The following DNAH5 variants were observed in gnomAD, a reference collection of about 807,000 sequenced individuals.
The protein encoded by DNAH5 is dynein axonemal heavy chain 5, also known as axonemal beta dynein heavy chain 5.
Under a neutral mutation model 518.2 loss-of-function variants are expected in DNAH5, and 372 were observed. The ratio of observed to expected loss-of-function variants is 0.72; its 90% confidence interval spans 0.66 to 0.78. The LOEUF is 0.78. Ranked by LOEUF, DNAH5 falls within the 30% of genes least tolerant of loss-of-function variation. The pLI is 0.00. For synonymous variants in DNAH5, 2,039 were observed against 2,025.9 expected, an observed-to-expected ratio of 1.01 and a Z score of -0.17; for missense variants, 5,523 against 5,687.0, an observed-to-expected ratio of 0.97 and a Z score of 0.93.
At chr5:13,804,817 T>C (rs1759322465) in intron 47 of DNAH5, among the ~76,000 whole-genome samples, 1 of 152,250 alleles carries the variant, frequency 6.6e-6, no homozygotes, top group Non-Finnish European at 1.5e-5. Context: ...AGAAATTTAT[T>C]ATATGGTTTA....
chr5:13,900,557 C>G (rs1389916004), intron 14 of DNAH5, 145 bp from the exon 15 acceptor site: 5 of 716,414 alleles, frequency 7.0e-6, no homozygotes, highest in Non-Finnish European at 1.2e-5. Context: ...ATCACTCACT[C>G]TTCTCCTAAA....
chr5:13,973,471 T>C (rs763698943), intron 1 of DNAH5, among the ~76,000 whole-genome samples: 15 of 152,138 alleles, frequency 9.9e-5, no homozygotes, highest in Non-Finnish European at 1.8e-4. Flanking sequence ...ACCCATGAGA[T>C]GGGTGTGTTC....
intron 1 of DNAH5, among the ~76,000 whole-genome samples, chr5:13,960,285 G>A (rs770740844): frequency 2.6e-5 from 4 of 152,176 alleles, no homozygotes; most frequent in Non-Finnish European, 4.4e-5. Context: ...TGAATGTGAG[G>A]AGGTGCACAG....
rs148012924 is a variant in DNAH5 at position 13,846,116 on chromosome 5, G to T, written c.5115-1123C>A. Among the ~76,000 whole-genome samples, 808 of 151,866 alleles carry T rather than the reference G, an allele frequency of 5.3e-3. 15 individuals carry two copies. The highest frequency in any genetic ancestry group is 0.034 in the South Asian group (165 of 4,788). ...AACCTCCCAAAGTGCTGAGATTACA[G>T]GCATGAGCCACCACACCTGGCCCCA... is the stretch of plus-strand genomic sequence containing the variant. On this transcript the variant is annotated intron_variant, in intron 31 of 78. Coordinates refer to ENST00000265104, the MANE Select transcript of DNAH5 (RefSeq NM_001369.3).
At chr5:13,783,494 G>C (rs143723116) in intron 52 of DNAH5, among the ~76,000 whole-genome samples, 294 of 152,244 alleles carry the variant, frequency 1.9e-3, no homozygotes, top group African/African-American at 6.8e-3. Context: ...GAATACACAT[G>C]GGGGAGGCGC....
Position 13,700,731 on chromosome 5 carries a change from G to A in DNAH5, c.13632C>T (p.Gly4544=), listed in dbSNP as rs780159177. ...TGAGTTTCATGTTCCTCTTGTCCCA[G>A]CCAGCACCTTCAAGATATAAGCCAT... ...YVYGLYLEGA[G]WDKRNMKLIE... The change falls in exon 78 of 79, where the codon GGC becomes GGT. Residue 4544 remains glycine, a synonymous_variant. Coordinates refer to ENST00000265104, the MANE Select transcript of DNAH5 (RefSeq NM_001369.3). 4 of 1,614,118 alleles carry A rather than the reference G, an allele frequency of 2.5e-6. No homozygotes were observed. Among genetic ancestry groups the A allele is most frequent in the Admixed American group, 1.7e-5 (1 of 60,016 alleles).
At chr5:13,951,202 T>G (rs1780371278) in intron 1 of DNAH5, among the ~76,000 whole-genome samples, 2 of 138,004 alleles carry the variant, frequency 1.4e-5, no homozygotes, top group South Asian at 2.3e-4. Flanking sequence ...TTTTTTTGTT[T>G]TTTTCGTTTT....
At chr5:13,981,563 G>T (rs1260415971) in intron 1 of DNAH5, among the ~76,000 whole-genome samples, 1 of 152,156 alleles carries the variant, frequency 6.6e-6, no homozygotes, top group Non-Finnish European at 1.5e-5. Flanking sequence ...GAAAGAAGTG[G>T]AATGTGCTGG....
chr5:13,835,288 A>AAAAG (rs1387965434), intron 35 of DNAH5, among the ~76,000 whole-genome samples: 1 of 151,900 alleles, frequency 6.6e-6, no homozygotes, highest in East Asian at 1.9e-4. Context: ...CAAAAAAAAA[A>AAAAG]AATAGTAGTA....
intron 47 of DNAH5, among the ~76,000 whole-genome samples, chr5:13,800,767 C>T (rs571459289): frequency 6.6e-6 from 1 of 152,312 alleles, no homozygotes; most frequent in Admixed American, 6.5e-5. Context: ...TAGTATTCTG[C>T]CACCCACATT....
At position 13,718,977 on chromosome 5, in the gene DNAH5, T is replaced by C. The variant is rs1744680585; in HGVS notation, c.12404A>G (p.His4135Arg). Residue 4135 changes from histidine (H) to arginine (R), a missense_variant, in exon 72 of 79, where the codon CAT (histidine) becomes CGT (arginine). By Grantham distance (29) the His-to-Arg change is conservative. This residue lies in a region of DNAH5 where 5,121 missense variants were observed against 5,223.3 expected (regional missense o/e 0.98). Transcript: ENST00000265104. ...AFRLWMTTEA[H>R]KQFPITLLQM... Reference sequence around the variant, plus strand: ...AAGGAGTGTAATGGGAAACTGCTTATGAGCCTCGGTGGTCATCCAGAGGCG... The same window carrying C: ...AAGGAGTGTAATGGGAAACTGCTTACGAGCCTCGGTGGTCATCCAGAGGCG... 3 of 1,614,186 alleles carry C rather than the reference T, an allele frequency of 1.9e-6. No homozygotes were observed. The highest frequency in any genetic ancestry group is 2.5e-6 in the Non-Finnish European group (3 of 1,180,012).
chr5:13,703,628 T>A (rs1436549906), intron 76 of DNAH5, among the ~76,000 whole-genome samples: 1 of 152,230 alleles, frequency 6.6e-6, no homozygotes, highest in Non-Finnish European at 1.5e-5. Flanking sequence ...GCTCTCATGT[T>A]AAATTTTGTC....
rs375899215 is a variant in DNAH5 at position 14,008,633 on chromosome 5, C to CA, written c.12+3014dup. ...TGGGCAACAGAGCGAGACTCTGTCT[C>CA]AAAAAAAAAAGAAAAACAAAAACAA... On this transcript the variant is annotated intron_variant, in intron 1 of 78. Transcript: ENST00000681290. Among the ~76,000 whole-genome samples, 598 of 131,002 alleles carry CA rather than the reference C, an allele frequency of 4.6e-3. 6 individuals are homozygous for CA. Among genetic ancestry groups the CA allele is most frequent in the African/African-American group, 0.014 (495 of 35,146 alleles). 85.9% of individuals were successfully genotyped at this position (131,002 alleles called of 152,430 possible).
chr5:13,740,921 G>A (rs1303056903), intron 65 of DNAH5, among the ~76,000 whole-genome samples: 2 of 152,138 alleles, frequency 1.3e-5, no homozygotes, highest in Non-Finnish European at 1.5e-5. Context: ...TATATGTTAT[G>A]CTCCAGGGAT....
intron 25 of DNAH5, among the ~76,000 whole-genome samples, chr5:13,867,212 G>A (rs1034279123): frequency 3.9e-5 from 6 of 152,082 alleles, no homozygotes; most frequent in East Asian, 1.9e-4. Context: ...TATGAAATCC[G>A]ATTTGGTTAG....
intron 31 of DNAH5, among the ~76,000 whole-genome samples, chr5:13,847,340 G>GA (rs1766146221): frequency 8.7e-6 from 1 of 114,896 alleles, no homozygotes; most frequent in African/African-American, 3.2e-5. Flanking sequence ...CAATTTTAGA[G>GA]TAGACATTTT....
chr5:13,884,875 A>AT, intron 19 of DNAH5, 114 bp downstream of exon 19: 1 of 1,436,028 alleles, frequency 7.0e-7, no homozygotes, highest in Non-Finnish European at 9.4e-7. Flanking sequence ...ATTTTTAATT[A>AT]TTTAAATTTA....
At chr5:13,757,737 T>C (rs1751199426) in intron 61 of DNAH5, among the ~76,000 whole-genome samples, 1 of 152,188 alleles carries the variant, frequency 6.6e-6, no homozygotes, top group African/African-American at 2.4e-5. Flanking sequence ...GCAAAGGACA[T>C]GAACAGACAT....
chr5:13,985,430 A>AATATATATATATATATATAT (rs145568740), intron 1 of DNAH5, among the ~76,000 whole-genome samples: 22 of 127,340 alleles, frequency 1.7e-4, no homozygotes, highest in Non-Finnish European at 3.0e-4. Flanking sequence ...AGTATAATAA[A>AATATATATATATATATATAT]ATATATATAT....
Sources: allele counts gnomAD v4.1 joint callset (sites outside exome capture counted in the v4.1 genomes callset), GRCh38; gene constraint gnomAD v4.1.1; regional missense constraint gnomAD v4.1.1; transcripts MANE v1.5; gene names NCBI Gene and HGNC (gene_info 2026-07-23, HGNC 2026-07-21).